The following PAPPA variants were observed in gnomAD, a reference collection of about 807,000 sequenced individuals.
PAPPA encodes pappalysin-1.
PAPPA carries 60 observed loss-of-function variants against 164.0 expected under a neutral mutation model. The observed-to-expected ratio is 0.37, with a 90% confidence interval of 0.30 to 0.45. The LOEUF (loss-of-function observed/expected upper bound fraction) is 0.45, where lower values mean the gene tolerates loss of function less well. PAPPA is among the 20% of genes least tolerant of loss of function. The pLI is 1.00. For synonymous variants in PAPPA, 875 were observed against 814.1 expected (o/e 1.07, Z -1.27); for missense variants, 1,782 against 2,087.3 (o/e 0.85, Z 2.85).
chr9:116,231,480 G>A (rs369652933), intron 6 of PAPPA, among the ~76,000 whole-genome samples: 2 of 152,176 alleles, frequency 1.3e-5, no homozygotes, highest in Non-Finnish European at 2.9e-5. Context: ...CTCCTTGCAT[G>A]CTTTCTTGCA....
chr9:116,271,913 A>G lies in PAPPA; in HGVS notation c.2953+497A>G, dbSNP rs1587981122. ...CGTGCTCAACTCATTTTGCTTTGCAACCTCCAGCCGTGATGCAGGAACCAC... is the reference window on the plus strand; with the variant it reads ...CGTGCTCAACTCATTTTGCTTTGCAGCCTCCAGCCGTGATGCAGGAACCAC... On this transcript the variant is annotated intron_variant, in intron 9 of 21. Coordinates refer to ENST00000328252, the MANE Select transcript of PAPPA (RefSeq NM_002581.5). The surrounding 1 kb of genome is among the most constrained non-coding windows in gnomAD (Gnocchi z 4.2). Among the ~76,000 whole-genome samples, 1 of 151,932 alleles carries G rather than the reference A, an allele frequency of 6.6e-6. No homozygotes were observed. The highest frequency in any genetic ancestry group is 1.5e-5 in the Non-Finnish European group (1 of 67,990).
In PAPPA at chr9:116,353,719, C is replaced by A; in HGVS notation, c.4273C>A (p.Leu1425Ile). ...CDPPPPKFHG[L>I]YQCTNGFQFN... ...CCCACCTCCACCAAAATTCCATGGG[C>A]TCTACCAGTGTACTAATGGCTTCCA... The change falls in exon 17 of 22, where the codon CTC becomes ATC. Residue 1425 changes from leucine to isoleucine, a missense_variant. Leu to Ile is a conservative substitution (Grantham distance 5). Around this residue, in one of 2 missense-constraint regions of PAPPA, gnomAD observed 1,324 missense variants for 1,656.9 expected, o/e 0.80. Coordinates refer to ENST00000328252, the MANE Select transcript of PAPPA (RefSeq NM_002581.5). 1 of 1,614,030 alleles carries A rather than the reference C, an allele frequency of 6.2e-7. No individual in the cohort carries two copies. Among genetic ancestry groups the A allele is most frequent in the Non-Finnish European group, 8.5e-7 (1 of 1,179,932 alleles).
intron 10 of PAPPA, among the ~76,000 whole-genome samples, chr9:116,311,938 G>A (rs879717970): frequency 3.3e-5 from 5 of 152,190 alleles, no homozygotes; most frequent in Admixed American, 6.5e-5. Context: ...CACGTGGAAC[G>A]GTGAGATCCT....
intron 10 of PAPPA, 23 bp from the exon 11 acceptor site, chr9:116,331,221 A>G: frequency 7.2e-7 from 1 of 1,392,666 alleles, no homozygotes; most frequent in East Asian, 2.3e-5. Context: ...AAACATGATT[A>G]TTTTTTCTTT....
intron 18 of PAPPA, among the ~76,000 whole-genome samples, chr9:116,366,851 G>A (rs1224874070): frequency 6.6e-6 from 1 of 152,152 alleles, no homozygotes; most frequent in Non-Finnish European, 1.5e-5. Flanking sequence ...CAAGTGGCTT[G>A]GGATTGAGGT....
At chr9:116,256,747 T>C (rs933888141) in intron 7 of PAPPA, among the ~76,000 whole-genome samples, 5 of 151,922 alleles carry the variant, frequency 3.3e-5, no homozygotes, top group African/African-American at 1.2e-4. Context: ...ATGCATGACA[T>C]TGTGATATTT....
chr9:116,302,731 T>A, intron 9 of PAPPA, 26 bp from the exon 10 acceptor site: 1 of 1,584,412 alleles, frequency 6.3e-7, no homozygotes, highest in Non-Finnish European at 8.6e-7. Context: ...ATTTATTCTC[T>A]CCCTTTCTAT....
At chr9:116,273,493 A>G (rs1288857395) in intron 9 of PAPPA, among the ~76,000 whole-genome samples, 1 of 152,254 alleles carries the variant, frequency 6.6e-6, no homozygotes, top group Non-Finnish European at 1.5e-5. Flanking sequence ...TGTGAAGTTT[A>G]TCAACCCTTG....
At chr9:116,369,607 T>C (rs1349316436) in intron 19 of PAPPA, among the ~76,000 whole-genome samples, 1 of 152,206 alleles carries the variant, frequency 6.6e-6, no homozygotes, top group Non-Finnish European at 1.5e-5. Context: ...CTTCTTGGCC[T>C]GGACCAGCCT....
chr9:116,217,556 T>C (rs1844389767), intron 4 of PAPPA, among the ~76,000 whole-genome samples: 1 of 152,218 alleles, frequency 6.6e-6, no homozygotes, highest in South Asian at 2.1e-4. Context: ...ATAAATTCCT[T>C]ATTGTTAGAT....
intron 18 of PAPPA, among the ~76,000 whole-genome samples, chr9:116,364,869 C>T (rs1564242883): frequency 6.6e-6 from 1 of 152,116 alleles, no homozygotes; most frequent in East Asian, 1.9e-4. Flanking sequence ...AACTCCTTTC[C>T]TGTACCCCAA....
At chr9:116,295,635 A>C (rs1057091450) in intron 9 of PAPPA, among the ~76,000 whole-genome samples, 1 of 152,082 alleles carries the variant, frequency 6.6e-6, no homozygotes, top group Non-Finnish European at 1.5e-5. Flanking sequence ...TATTTAACAT[A>C]GTATTGCAAT....
chr9:116,176,864 CA>C (rs1410006330), intron 1 of PAPPA, among the ~76,000 whole-genome samples: 3 of 151,960 alleles, frequency 2.0e-5, no homozygotes, highest in African/African-American at 7.3e-5. Flanking sequence ...CTGATTATAG[CA>C]AAACTGGGAG....
chr9:116,193,206 C>T (rs1844064397), intron 2 of PAPPA, among the ~76,000 whole-genome samples: 1 of 151,826 alleles, frequency 6.6e-6, no homozygotes, highest in Admixed American at 6.6e-5. Flanking sequence ...CTTTTGGACT[C>T]CAGTTAATGT....
At chr9:116,173,257 G>A (rs1483677229) in intron 1 of PAPPA, among the ~76,000 whole-genome samples, 3 of 152,168 alleles carry the variant, frequency 2.0e-5, no homozygotes, top group African/African-American at 4.8e-5. Context: ...TCTAACAGAT[G>A]TCAAAACAAT....
At chr9:116,343,745 A>ATTTTTTTATTTATTTATTTT (rs1564234077) in intron 13 of PAPPA, among the ~76,000 whole-genome samples, 1 of 148,204 alleles carries the variant, frequency 6.7e-6, no homozygotes, top group Non-Finnish European at 1.5e-5. Flanking sequence ...ACTTATTTTT[A>ATTTTTTTATTTATTTATTTT]TTTATTTATT....
rs78421042 is a variant in PAPPA, at chr9:116,227,611, A to C, written c.2233+59A>C. The C allele has an allele frequency of 8.4e-3, 13,341 of 1,582,546 alleles. 430 individuals carry two copies. In the East Asian group the frequency reaches 0.12, roughly 15 times the overall value. On this transcript the variant is annotated intron_variant, in intron 6 of 21. Coordinates refer to ENST00000328252, the MANE Select transcript of PAPPA (RefSeq NM_002581.5). ...GGAGTGTGCAAAGAACAGCTCTTTCAATGTATATGGGGTTTTATTATTTTT... is the reference window on the plus strand; with the variant it reads ...GGAGTGTGCAAAGAACAGCTCTTTCCATGTATATGGGGTTTTATTATTTTT...
intron 9 of PAPPA, chr9:116,287,282 T>C (rs7875237): frequency 0.56 from 84,855 of 152,116 alleles, 23,975 homozygotes; most frequent in Non-Finnish European, 0.59. Context: ...CAATTTTAAC[T>C]GGGGAAGCGG....
intron 2 of PAPPA, among the ~76,000 whole-genome samples, chr9:116,199,814 T>G (rs1374580193): frequency 6.6e-6 from 1 of 152,086 alleles, no homozygotes; most frequent in Non-Finnish European, 1.5e-5. Flanking sequence ...GGACTCAAAC[T>G]GCTTCCCCTC....
Sources: gnomAD v4.1 joint callset for allele counts (sites outside exome capture counted in the v4.1 genomes callset) on GRCh38, gnomAD v4.1.1 for gene constraint, gnomAD v4.1.1 regional missense constraint, Gnocchi (gnomAD v3.1) non-coding constraint, MANE v1.5 for transcripts, NCBI Gene and HGNC (gene_info 2026-07-23, HGNC 2026-07-21) for gene names.